The following ACBD6 variants were observed in gnomAD, a reference collection of about 807,000 sequenced individuals.
The protein encoded by ACBD6 is acyl-CoA binding domain containing 6.
Under a neutral mutation model 37.2 loss-of-function variants are expected in ACBD6, and 28 were observed. The observed-to-expected ratio is 0.75, with a 90% CI of 0.56 to 1.03. ACBD6 has a LOEUF of 1.03. Ranked by LOEUF, ACBD6 falls within the 50% of genes least tolerant of loss-of-function variation. The pLI, the probability that ACBD6 is intolerant of heterozygous loss-of-function variation, is 0.00. For synonymous variants in ACBD6, 113 were observed against 126.8 expected, an observed-to-expected ratio of 0.89 and a Z score of 0.73; for missense variants, 340 against 337.4, an observed-to-expected ratio of 1.01 and a Z score of -0.06.
intron 3 of ACBD6, among the ~76,000 whole-genome samples, chr1:180,468,392 C>T (rs1571550138): frequency 1.3e-5 from 2 of 152,140 alleles, no homozygotes; most frequent in Non-Finnish European, 2.9e-5. Flanking sequence ...CCAAAGGAGG[C>T]TAAGAAGGCC....
chr1:180,391,364 C>T (rs1654070690), intron 6 of ACBD6, among the ~76,000 whole-genome samples: 1 of 152,060 alleles, frequency 6.6e-6, no homozygotes, highest in South Asian at 2.1e-4. Flanking sequence ...CAAGTAAAAA[C>T]ACAATTCAAT....
chr1:180,272,136 G>A, intron 13 of ACBD6: 1 of 782,666 alleles, frequency 1.3e-6, no homozygotes, highest in Non-Finnish European at 2.0e-6. Context: ...TTTTCCTTAA[G>A]ACTTGCAGTG....
At chr1:180,450,708 CGA>C (rs1649670207) in intron 3 of ACBD6, among the ~76,000 whole-genome samples, 1 of 151,894 alleles carries the variant, frequency 6.6e-6, no homozygotes, top group East Asian at 1.9e-4. Flanking sequence ...TGCAGTGAGC[CGA>C]GATTGCGCCA....
downstream of ACBD6, among the ~76,000 whole-genome samples, chr1:180,288,031 T>C (rs1399023277): frequency 1.3e-5 from 2 of 152,216 alleles, no homozygotes; most frequent in Non-Finnish European, 2.9e-5. Context: ...TTTGCTTCTG[T>C]ATGTTTTTTA....
At chr1:180,383,690 C>A (rs1233522793) in intron 6 of ACBD6, among the ~76,000 whole-genome samples, 2 of 151,942 alleles carry the variant, frequency 1.3e-5, no homozygotes, top group African/African-American at 4.8e-5. Flanking sequence ...TGTATGGAAC[C>A]AGAAAAGAGC....
chr1:180,502,050 T>G lies in ACBD6; in HGVS notation c.217A>C (p.Lys73Gln), dbSNP rs1652002720. The G allele has an allele frequency of 3.7e-6, 6 of 1,613,538 alleles. No individual in the cohort carries two copies. Among genetic ancestry groups the G allele is most frequent in the Non-Finnish European group, 1.7e-6 (2 of 1,179,852 alleles). The change falls in exon 1 of 8, where the codon AAA becomes CAA. Residue 73 changes from lysine (K) to glutamine (Q), a missense_variant. Physicochemically the swap from Lys to Gln is moderately conservative, Grantham distance 53 (BLOSUM62 1). Coordinates refer to ENST00000367595, the MANE Select transcript of ACBD6 (RefSeq NM_032360.4). ...EQLLYLYARY[K>Q]QVKVGNCNTP... ...CCCTCTCCCTGCTACTTTACCTGTTTGTACCTGGCATACAGGTACAAGAGC... is the reference window on the plus strand; with the variant it reads ...CCCTCTCCCTGCTACTTTACCTGTTGGTACCTGGCATACAGGTACAAGAGC...
chr1:180,426,391 C>T (rs1267467415), intron 4 of ACBD6, among the ~76,000 whole-genome samples: 1 of 152,124 alleles, frequency 6.6e-6, no homozygotes, highest in East Asian at 1.9e-4. Flanking sequence ...TGCAAGTAAC[C>T]AGAAGCAATT....
intron 3 of ACBD6, chr1:180,435,233 C>T (rs1648981708): frequency 1.5e-6 from 1 of 668,582 alleles, no homozygotes; most frequent in African/African-American, 1.8e-5. Context: ...GTTACGAGGG[C>T]TGGCTGGCCG....
rs1650730592 is a variant in ACBD6 at position 180,314,701 on chromosome 1, G to C, written c.685C>G (p.Leu229Val). The change falls in exon 7 of 8, where the codon CTA becomes GTA. Residue 229 changes from leucine to valine, a missense_variant. Physicochemically the swap from Leu to Val is conservative, Grantham distance 32. Coordinates refer to ENST00000367595, the MANE Select transcript of ACBD6 (RefSeq NM_032360.4). The stretch of plus-strand genomic sequence containing the variant: ...TTTAGAAACTTCTTACCATAATGTA[G>C]AGCTGTTTGGCCTTCATTGTCCTAT... ...NCQDNEGQTA[L>V]HYASACEFLD... The C allele has an allele frequency of 6.5e-7, 1 of 1,529,450 alleles. No homozygotes were observed. Among genetic ancestry groups the C allele is most frequent in the East Asian group, 2.3e-5 (1 of 44,118 alleles). The allele number at this position is 1,529,450 out of a possible 1,614,324, so 94.7% of individuals were successfully genotyped here.
chr1:180,348,383 A>C (rs1047244709), intron 6 of ACBD6, among the ~76,000 whole-genome samples: 3 of 152,304 alleles, frequency 2.0e-5, no homozygotes, highest in African/African-American at 7.2e-5. Flanking sequence ...AAATGAACGG[A>C]AATGATCAGT....
chr1:180,311,276 A>T (rs1650580532), intron 7 of ACBD6, among the ~76,000 whole-genome samples: 1 of 152,184 alleles, frequency 6.6e-6, no homozygotes, highest in Non-Finnish European at 1.5e-5. Flanking sequence ...TGACAAAAAC[A>T]TGAAGCTCAT....
intron 3 of ACBD6, among the ~76,000 whole-genome samples, chr1:180,446,407 T>C (rs1649475016): frequency 6.6e-6 from 1 of 152,194 alleles, no homozygotes; most frequent in Non-Finnish European, 1.5e-5. Context: ...TGATAAATTA[T>C]GCATAATTTA....
intron 4 of ACBD6, among the ~76,000 whole-genome samples, chr1:180,427,792 C>T (rs1422167611): frequency 2.0e-5 from 3 of 151,860 alleles, no homozygotes; most frequent in East Asian, 1.9e-4. Flanking sequence ...CATGGTGGTG[C>T]GCCTGTAGTT....
At chr1:180,300,486 C>T (rs568170558) in intron 7 of ACBD6, among the ~76,000 whole-genome samples, 1 of 152,128 alleles carries the variant, frequency 6.6e-6, no homozygotes, top group East Asian at 1.9e-4. Context: ...AAAAATAACC[C>T]ACTCCTATAA....
intron 6 of ACBD6, among the ~76,000 whole-genome samples, chr1:180,330,454 C>G (rs1014887421): frequency 2.6e-5 from 4 of 151,646 alleles, no homozygotes; most frequent in African/African-American, 7.3e-5. Context: ...ACAAAAAAAC[C>G]AAACCAAAAT....
At chr1:180,386,316 C>G (rs1269778658) in intron 6 of ACBD6, among the ~76,000 whole-genome samples, 1 of 152,156 alleles carries the variant, frequency 6.6e-6, no homozygotes, top group Non-Finnish European at 1.5e-5. Flanking sequence ...CTGCAGTGTA[C>G]TTTTTCCTTC....
chr1:180,309,394 C>T (rs1650503378), intron 7 of ACBD6, among the ~76,000 whole-genome samples: 1 of 152,130 alleles, frequency 6.6e-6, no homozygotes, highest in South Asian at 2.1e-4. Flanking sequence ...GCATTCACTC[C>T]TAATGGTTAA....
At chr1:180,369,994 T>A (rs1653194327) in intron 6 of ACBD6, among the ~76,000 whole-genome samples, 1 of 152,234 alleles carries the variant, frequency 6.6e-6, no homozygotes, top group South Asian at 2.1e-4. Flanking sequence ...TAAATTTGGA[T>A]GCATCATTTC....
At chr1:180,418,177 A>G (rs1315631230) in intron 4 of ACBD6, among the ~76,000 whole-genome samples, 1 of 152,192 alleles carries the variant, frequency 6.6e-6, no homozygotes, top group East Asian at 1.9e-4. Flanking sequence ...ATTTATAAAT[A>G]TAAAACAATC....
Sources: gnomAD v4.1 joint callset for allele counts (sites outside exome capture counted in the v4.1 genomes callset) on GRCh38, gnomAD v4.1.1 for gene constraint, MANE v1.5 for transcripts, NCBI Gene and HGNC (gene_info 2026-07-23, HGNC 2026-07-21) for gene names.